The following ZNF654 variants were observed in gnomAD, a reference collection of about 807,000 sequenced individuals.
ZNF654 encodes zinc finger protein 654.
Under a neutral mutation model 95.3 loss-of-function variants are expected in ZNF654, and 19 were observed. That is an observed-to-expected ratio of 0.20 (90% CI 0.14 to 0.29). The LOEUF is 0.29. Among genes scored for constraint, ZNF654 ranks in the 10% least tolerant of loss-of-function variants. ZNF654 has a pLI of 1.00. For synonymous variants in ZNF654, 413 were observed against 457.9 expected, an observed-to-expected ratio of 0.90 and a Z score of 1.25; for missense variants, 1,046 against 1,341.0, an observed-to-expected ratio of 0.78 and a Z score of 3.44.
At position 88,140,369 on chromosome 3, in the gene ZNF654, A is replaced by G; in HGVS notation, c.2700A>G (p.Ser900=). ...CAAATCCTAATCAGGAAAAAGACTCATCTAGTAATGAGAAACAAACTATTA... is the reference window on the plus strand; with the variant it reads ...CAAATCCTAATCAGGAAAAAGACTCGTCTAGTAATGAGAAACAAACTATTA... ...TDSNPNQEKD[S]SSNEKQTISL... The change falls in exon 8 of 9, where the codon TCA becomes TCG. Residue 900 remains serine, a synonymous_variant. Transcript: ENST00000636215. The G allele has an allele frequency of 1.2e-6, 2 of 1,613,224 alleles. No individual in the cohort carries two copies. Among genetic ancestry groups the G allele is most frequent in the Non-Finnish European group, 1.7e-6 (2 of 1,179,494 alleles).
chr3:88,124,458 ACTTT>A (rs1471382788), intron 3 of ZNF654, among the ~76,000 whole-genome samples: 1 of 152,176 alleles, frequency 6.6e-6, no homozygotes, highest in African/African-American at 2.4e-5. Context: ...TTCTTCTACT[ACTTT>A]CTTCTCTCAT....
intron 3 of ZNF654, among the ~76,000 whole-genome samples, chr3:88,120,996 A>AACTT (rs771461127): frequency 6.6e-6 from 1 of 152,066 alleles, no homozygotes; most frequent in Non-Finnish European, 1.5e-5. Context: ...TGGTGCTTAA[A>AACTT]AGCTAGGTGA....
At chr3:88,136,924 A>G (rs1381902070) in intron 7 of ZNF654, among the ~76,000 whole-genome samples, 3 of 152,062 alleles carry the variant, frequency 2.0e-5, no homozygotes, top group African/African-American at 7.2e-5. Flanking sequence ...GCTGGGCGCG[A>G]TGGCTTACAC....
In ZNF654 at chr3:88,138,813, C is replaced by T. The variant is rs1706957415; in HGVS notation, c.1144C>T (p.His382Tyr). ...ATGTCTAATTTATAAAACAATTGCA[C>T]ATTTTTTGCCAAATGATTTGGAGAT... is the stretch of plus-strand genomic sequence containing the variant. Reference protein sequence around the residue: ...TKCLIYKTIAHFLPNDLEILR... With the variant: ...TKCLIYKTIAYFLPNDLEILR... Residue 382 changes from histidine (H) to tyrosine (Y), a missense_variant, in exon 8 of 9, where the codon CAT (histidine) becomes TAT (tyrosine). By Grantham distance (83) the His-to-Tyr change is moderately conservative. This residue lies in a region of ZNF654 where 78 missense variants were observed against 154.2 expected (regional missense o/e 0.51). Transcript: ENST00000636215. The T allele has an allele frequency of 1.1e-5, 14 of 1,232,032 alleles. No homozygotes were observed. The highest frequency in any genetic ancestry group is 1.4e-5 in the Non-Finnish European group (14 of 987,896). The allele number at this position is 1,232,032 out of a possible 1,614,324, so 76.3% of individuals were successfully genotyped here.
chr3:88,088,160 T>C (rs773360982), intron 2 of ZNF654, among the ~76,000 whole-genome samples: 2 of 152,336 alleles, frequency 1.3e-5, no homozygotes, highest in Admixed American at 6.5e-5. Flanking sequence ...TACAGATTTC[T>C]CAGTGAGACT....
At position 88,125,087 on chromosome 3, in the gene ZNF654, C is replaced by T. The variant is rs144478844; in HGVS notation, c.415-1047C>T. ...AAAATTAGCTGGGCATGGTGACACG[C>T]GCCTGTAGTCCCAGCTACTTGGGAG... is the stretch of plus-strand genomic sequence containing the variant. On this transcript the variant is annotated intron_variant, in intron 3 of 8. Coordinates refer to ENST00000636215, the MANE Select transcript of ZNF654 (RefSeq NM_001350134.2). 8.6e-3 allele frequency among the ~76,000 whole-genome samples: 1,301 copies of T among 151,756 alleles called. 17 individuals are homozygous for T. The highest frequency in any genetic ancestry group is 0.03 in the African/African-American group (1,241 of 41,380).
intron 2 of ZNF654, among the ~76,000 whole-genome samples, chr3:88,102,152 T>G (rs1249108718): frequency 6.6e-6 from 1 of 152,146 alleles, no homozygotes; most frequent in African/African-American, 2.4e-5. Flanking sequence ...TAAAGAAATT[T>G]GGTTGTAATG....
intron 2 of ZNF654, among the ~76,000 whole-genome samples, chr3:88,111,777 T>A (rs1705103104): frequency 6.6e-6 from 1 of 151,942 alleles, no homozygotes; most frequent in African/African-American, 2.4e-5. Context: ...ACATTTACAT[T>A]CCCTCCAACA....
chr3:88,079,882 A>G (rs948599172), intron 1 of ZNF654, among the ~76,000 whole-genome samples: 22 of 152,050 alleles, frequency 1.4e-4, no homozygotes, highest in African/African-American at 4.8e-4. Context: ...GTTGCTTGCT[A>G]CTGTAGATTA....
chr3:88,064,513 G>A (rs9866349), intron 1 of ZNF654, among the ~76,000 whole-genome samples: 119,159 of 152,092 alleles, frequency 0.78, 47,595 homozygotes, highest in South Asian at 0.91. Flanking sequence ...TTTTGTTTCT[G>A]ACTCTGTTTT....
intron 3 of ZNF654, among the ~76,000 whole-genome samples, chr3:88,114,127 C>T (rs1187165016): frequency 6.6e-6 from 1 of 152,032 alleles, no homozygotes; most frequent in Non-Finnish European, 1.5e-5. Context: ...AAAAATCTTC[C>T]TATTGTGGAG....
chr3:88,130,510 G>GGT (rs986288538), intron 6 of ZNF654, among the ~76,000 whole-genome samples: 3 of 151,978 alleles, frequency 2.0e-5, no homozygotes, highest in African/African-American at 7.2e-5. Flanking sequence ...AGAATACAGT[G>GGT]GTGCGATCAT....
At chr3:88,060,010 C>T (rs929390930) in intron 1 of ZNF654, among the ~76,000 whole-genome samples, 1 of 151,992 alleles carries the variant, frequency 6.6e-6, no homozygotes, top group Non-Finnish European at 1.5e-5. Context: ...CTCCTGTCAT[C>T]CCCTCACAAG....
At position 88,104,439 on chromosome 3, in the gene ZNF654, T is replaced by C. The variant is rs189850509; in HGVS notation, c.333-8676T>C. On this transcript the variant is annotated intron_variant, in intron 2 of 8. Transcript: ENST00000636215. ...AAGCAGCCATAAACACTACATAAAT[T>C]AATGGATAGCGTTGTGTTTCAACAC... is the stretch of plus-strand genomic sequence containing the variant. 2.8e-3 allele frequency among the ~76,000 whole-genome samples: 427 copies of C among 152,276 alleles called. 8 individuals are homozygous for C. Among genetic ancestry groups the C allele is most frequent in the Admixed American group, 0.025 (389 of 15,296 alleles).
intron 8 of ZNF654, 90 bp downstream of exon 8, chr3:88,141,138 T>A: frequency 7.0e-7 from 1 of 1,433,022 alleles, no homozygotes; most frequent in Non-Finnish European, 9.3e-7. Flanking sequence ...TTTAAAAAAT[T>A]GATATTTGTG....
chr3:88,099,931 A>C lies in ZNF654; in HGVS notation c.333-13184A>C, dbSNP rs531593240. On this transcript the variant is annotated intron_variant, in intron 2 of 8. Transcript: ENST00000636215. ...AGGCATGGGCAAGGACTTCATGACT[A>C]AAACACCAAAGGCAATGGCAACAAA... Among the ~76,000 whole-genome samples the C allele has an allele frequency of 6.9e-4, 105 of 152,338 alleles. 1 individual carries two copies. The highest frequency in any genetic ancestry group is 1.4e-3 in the Non-Finnish European group (98 of 68,028).
chr3:88,117,086 G>T (rs1336837471), intron 3 of ZNF654, among the ~76,000 whole-genome samples: 1 of 152,046 alleles, frequency 6.6e-6, no homozygotes, highest in Admixed American at 6.5e-5. Context: ...GGGACAACCC[G>T]AAAGAACATA....
chr3:88,103,986 T>C (rs369287288), intron 2 of ZNF654, among the ~76,000 whole-genome samples: 34 of 152,092 alleles, frequency 2.2e-4, no homozygotes, highest in East Asian at 9.7e-4. Context: ...GGTCTCGAAC[T>C]CCTTACCTCA....
At chr3:88,138,095 AG>A (rs1706907938) in intron 7 of ZNF654, among the ~76,000 whole-genome samples, 1 of 152,142 alleles carries the variant, frequency 6.6e-6, no homozygotes, top group Non-Finnish European at 1.5e-5. Flanking sequence ...GATAACTTCC[AG>A]GGGGCTCATT....
Sources: allele counts gnomAD v4.1 joint callset (sites outside exome capture counted in the v4.1 genomes callset), GRCh38; gene constraint gnomAD v4.1.1; regional missense constraint gnomAD v4.1.1; transcripts MANE v1.5; gene names NCBI Gene and HGNC (gene_info 2026-07-23, HGNC 2026-07-21).